Variants in ZNF521 observed in about 807,000 individuals in gnomAD.
ZNF521 encodes LYST-interacting protein 3.
Under a neutral mutation model 105.5 loss-of-function variants are expected in ZNF521, and 14 were observed. The ratio of observed to expected loss-of-function variants is 0.13; its 90% CI spans 0.09 to 0.21. The LOEUF (loss-of-function observed/expected upper bound fraction) is 0.21. ZNF521 is among the 10% of genes least tolerant of loss of function. ZNF521 has a pLI of 1.00. For missense variants in ZNF521, 1,233 were observed against 1,629.7 expected, an observed-to-expected ratio of 0.76 and a Z score of 4.19; for synonymous variants, 635 against 606.0, an observed-to-expected ratio of 1.05 and a Z score of -0.70.
chr18:25,085,299 T>C (rs1292911773), intron 7 of ZNF521, among the ~76,000 whole-genome samples: 2 of 151,382 alleles, frequency 1.3e-5, no homozygotes, highest in Middle Eastern at 3.5e-3. Flanking sequence ...AGTCCAGATA[T>C]ATATCTGTAT....
intron 3 of ZNF521, among the ~76,000 whole-genome samples, chr18:25,316,620 G>A (rs777575105): frequency 3.3e-5 from 5 of 152,042 alleles, no homozygotes; most frequent in Non-Finnish European, 7.4e-5. Context: ...AGACTGGAGG[G>A]CAACCTTCAG....
At chr18:25,307,271 T>C (rs184800653) in intron 3 of ZNF521, among the ~76,000 whole-genome samples, 1 of 152,304 alleles carries the variant, frequency 6.6e-6, no homozygotes, top group African/African-American at 2.4e-5. Flanking sequence ...AATCTGAATA[T>C]GTGTTCACTC....
At chr18:25,216,783 C>G (rs1330459361) in intron 4 of ZNF521, among the ~76,000 whole-genome samples, 1 of 152,156 alleles carries the variant, frequency 6.6e-6, no homozygotes, top group Non-Finnish European at 1.5e-5. Flanking sequence ...TCTCAAACTC[C>G]TGGCCTCAAT....
chr18:25,249,469 CT>C (rs77417621), intron 3 of ZNF521, among the ~76,000 whole-genome samples: 194 of 141,192 alleles, frequency 1.4e-3, no homozygotes, highest in Middle Eastern at 3.8e-3. Flanking sequence ...TACTTTCTTT[CT>C]TTTTTTTTTT....
At chr18:25,117,054 TAC>T (rs71167848) in intron 5 of ZNF521, among the ~76,000 whole-genome samples, 29 of 64,694 alleles carry the variant, frequency 4.5e-4, no homozygotes, top group East Asian at 1.6e-3. Flanking sequence ...CACATATATA[TAC>T]ACACACACAC....
rs541817052 is a variant in ZNF521 at position 25,290,834 on chromosome 18, G to A, written c.220+31174C>T. 3.9e-5 allele frequency among the ~76,000 whole-genome samples: 6 copies of A among 152,090 alleles called. No individual in the cohort carries two copies. The East Asian group carries it at 5.8e-4, about 15-fold the overall frequency. The stretch of plus-strand genomic sequence containing the variant: ...CACCCAAAGTGCTGGGATTTCAGGC[G>A]TGAGCCACTGCACCCAGCTGATAGT... On this transcript the variant is annotated intron_variant, in intron 3 of 7. Coordinates refer to ENST00000361524, the MANE Select transcript of ZNF521 (RefSeq NM_015461.3).
rs541717596 is a variant in ZNF521, at chr18:25,307,720, T to A, written c.220+14288A>T. On this transcript the variant is annotated intron_variant, in intron 3 of 7. Transcript: ENST00000361524. Reference sequence around the variant, plus strand: ...ATGTTATGCCACTTCCAGGATGAAGTCATAAAAGACACTGCAGCTCCCATA... The same window carrying A: ...ATGTTATGCCACTTCCAGGATGAAGACATAAAAGACACTGCAGCTCCCATA... Among the ~76,000 whole-genome samples, 13 of 152,236 alleles carry A rather than the reference T, an allele frequency of 8.5e-5. No homozygotes were observed. The East Asian group carries it at 2.5e-3, about 29-fold the overall frequency.
At chr18:25,140,377 G>C (rs2034824174) in intron 5 of ZNF521, among the ~76,000 whole-genome samples, 1 of 152,204 alleles carries the variant, frequency 6.6e-6, no homozygotes, top group Non-Finnish European at 1.5e-5. Flanking sequence ...GAGAAAACGT[G>C]AACTTTTTGA....
intron 2 of ZNF521, among the ~76,000 whole-genome samples, chr18:25,322,490 G>T (rs8090710): frequency 1.3e-4 from 18 of 137,184 alleles, no homozygotes; most frequent in Admixed American, 1.2e-3. Context: ...TTTAGTTTTC[G>T]CTTAAAAGAG....
Position 25,280,505 on chromosome 18 carries a change from C to T in ZNF521, c.220+41503G>A, listed in dbSNP as rs1021861962. ...CTGTTTCAGATGCAATAATCATTAC[C>T]TGATGACAGTCTACACCTTTACTCA... On this transcript the variant is annotated intron_variant, in intron 3 of 7. Coordinates refer to ENST00000361524, the MANE Select transcript of ZNF521 (RefSeq NM_015461.3). 2.0e-5 allele frequency among the ~76,000 whole-genome samples: 3 copies of T among 151,910 alleles called. No homozygotes were observed. In the South Asian group the frequency reaches 6.3e-4, roughly 32 times the overall value.
chr18:25,123,095 A>T (rs1359377827), intron 5 of ZNF521, among the ~76,000 whole-genome samples: 2 of 151,850 alleles, frequency 1.3e-5, no homozygotes, highest in East Asian at 3.9e-4. Context: ...GGTTTGGAAG[A>T]TTATTACAGA....
At chr18:25,145,925 C>G (rs1163715181) in intron 5 of ZNF521, among the ~76,000 whole-genome samples, 1 of 152,106 alleles carries the variant, frequency 6.6e-6, no homozygotes, top group Non-Finnish European at 1.5e-5. Context: ...TGTTTCAGGC[C>G]TTCTAGGATA....
intron 3 of ZNF521, among the ~76,000 whole-genome samples, chr18:25,296,351 T>C (rs1336300752): frequency 6.6e-6 from 1 of 152,208 alleles, no homozygotes; most frequent in Non-Finnish European, 1.5e-5. Flanking sequence ...TGAATCCTTC[T>C]ATCTAGAGAT....
At chr18:25,262,518 A>C (rs1908980054) in intron 3 of ZNF521, among the ~76,000 whole-genome samples, 1 of 152,238 alleles carries the variant, frequency 6.6e-6, no homozygotes. Flanking sequence ...ATTTGCTCTA[A>C]GGAGGAATTC....
At chr18:25,345,963 T>A (rs191518646) in intron 2 of ZNF521, among the ~76,000 whole-genome samples, 1 of 152,196 alleles carries the variant, frequency 6.6e-6, no homozygotes, top group Non-Finnish European at 1.5e-5. Flanking sequence ...TTTTTGCCTG[T>A]ACAATCATGA....
chr18:25,348,703 C>CTG (rs5823474), intron 2 of ZNF521, among the ~76,000 whole-genome samples: 139,840 of 152,260 alleles, frequency 0.92, 64,356 homozygotes, highest in African/African-American at 0.97. Context: ...GAAACAGATG[C>CTG]TGTCTTTGTG....
At chr18:25,111,305 C>T (rs948196119) in intron 5 of ZNF521, among the ~76,000 whole-genome samples, 1 of 152,166 alleles carries the variant, frequency 6.6e-6, no homozygotes, top group African/African-American at 2.4e-5. Context: ...TTGTCCCACA[C>T]TGTCCTTACT....
intron 3 of ZNF521, among the ~76,000 whole-genome samples, chr18:25,291,164 G>T (rs1568059470): frequency 6.6e-6 from 1 of 152,080 alleles, no homozygotes; most frequent in Non-Finnish European, 1.5e-5. Context: ...TTCACATGTG[G>T]CCATAAATAA....
intron 7 of ZNF521, 30 bp downstream of exon 7, chr18:25,089,435 C>T (rs1379747522): frequency 6.5e-7 from 1 of 1,537,868 alleles, no homozygotes; most frequent in African/African-American, 1.4e-5. Flanking sequence ...CAACTGAGTT[C>T]AATCCCAGTC....
Sources: allele counts gnomAD v4.1 joint callset (sites outside exome capture counted in the v4.1 genomes callset), GRCh38; gene constraint gnomAD v4.1.1; transcripts MANE v1.5; gene names NCBI Gene and HGNC (gene_info 2026-07-23, HGNC 2026-07-21).